GPHN: variants seen among roughly 807,000 people sequenced by gnomAD.
GPHN encodes gephyrin.
Under a neutral mutation model 95.5 loss-of-function variants are expected in GPHN, and 17 were observed. The ratio of observed to expected loss-of-function variants is 0.18; its 90% confidence interval spans 0.12 to 0.27. GPHN has a LOEUF of 0.27. GPHN is among the 10% of genes least tolerant of loss of function. The pLI is 1.00. For missense variants in GPHN, 660 were observed against 978.1 expected (o/e 0.67, Z 4.34); for synonymous variants, 320 against 322.5 (o/e 0.99, Z 0.08).
chr14:67,629,134 G>T, the GPHN span, among the ~76,000 whole-genome samples: 1 of 152,188 alleles, frequency 6.6e-6, no homozygotes, highest in African/African-American at 2.4e-5. Context: ...AGGAGTTTGA[G>T]ACCAGCCTGG....
chr14:67,081,083 G>A (rs2076677227), intron 11 of GPHN, among the ~76,000 whole-genome samples: 1 of 152,148 alleles, frequency 6.6e-6, no homozygotes, highest in South Asian at 2.1e-4. Context: ...ATGTGCAAGT[G>A]TCTTTCATGT....
chr14:67,637,229 G>A, the GPHN span, among the ~76,000 whole-genome samples: 1 of 151,636 alleles, frequency 6.6e-6, no homozygotes, highest in Non-Finnish European at 1.5e-5. Context: ...GACCAACATG[G>A]CGAAACCTCG....
chr14:67,123,445 C>T (rs940288360), intron 17 of GPHN, among the ~76,000 whole-genome samples: 1 of 152,158 alleles, frequency 6.6e-6, no homozygotes, highest in South Asian at 2.1e-4. Flanking sequence ...AAGGCCAAGG[C>T]GGGTGGATCA....
chr14:66,741,776 C>T (rs2072812550), intron 2 of GPHN, among the ~76,000 whole-genome samples: 1 of 152,208 alleles, frequency 6.6e-6, no homozygotes. Flanking sequence ...TAGCCTCCTT[C>T]TAATATCTCC....
intron 2 of GPHN, among the ~76,000 whole-genome samples, chr14:66,773,495 G>A (rs200669841): frequency 6.6e-5 from 10 of 151,316 alleles, no homozygotes; most frequent in South Asian, 2.1e-4. Flanking sequence ...CTGGGATTAC[G>A]GGTGCTCGCC....
chr14:67,575,447 A>T, the GPHN span: 15 of 1,607,428 alleles, frequency 9.3e-6, no homozygotes, highest in Non-Finnish European at 1.1e-5. Context: ...AAAATCTTCT[A>T]CTACTATCGG....
chr14:67,280,854 TCCC>T, the GPHN span, among the ~76,000 whole-genome samples: 2 of 100,932 alleles, frequency 2.0e-5, no homozygotes, highest in African/African-American at 1.2e-4. Context: ...CTTCCTTCCT[TCCC>T]TCCCTCCCTC....
chr14:66,860,353 T>C (rs898226502), intron 4 of GPHN, among the ~76,000 whole-genome samples: 5 of 151,970 alleles, frequency 3.3e-5, no homozygotes, highest in Admixed American at 1.3e-4. Context: ...AAAGTTTTGC[T>C]CTAGAACAGT....
At chr14:67,292,508 TAG>T in the GPHN span, 1 of 1,594,146 alleles carries the variant, frequency 6.3e-7, no homozygotes, top group Non-Finnish European at 8.6e-7. Flanking sequence ...CTTCTTCTAC[TAG>T]AAATAGAAGA....
chr14:66,689,224 A>G (rs2067607108), intron 2 of GPHN, among the ~76,000 whole-genome samples: 1 of 152,146 alleles, frequency 6.6e-6, no homozygotes, highest in Admixed American at 6.5e-5. Flanking sequence ...TCTGTATCTA[A>G]CTTGGTGAGA....
chr14:66,710,664 C>G (rs1366997363), intron 2 of GPHN, among the ~76,000 whole-genome samples: 2 of 152,032 alleles, frequency 1.3e-5, no homozygotes, highest in Non-Finnish European at 2.9e-5. Flanking sequence ...GGGAAATAAT[C>G]GAGATGAAAG....
the GPHN span, among the ~76,000 whole-genome samples, chr14:67,430,492 G>A: frequency 4.6e-5 from 7 of 152,212 alleles, no homozygotes; most frequent in East Asian, 1.9e-4. Flanking sequence ...GTGGGCTCAC[G>A]TGACTTTGCT....
chr14:66,844,866 A>G lies in GPHN; in HGVS notation c.294+20300A>G, dbSNP rs976889044. ...CATTTAGAAACTCTGTACCCATTAA[A>G]CAAAAACTCCCCATTCCTCCCTCCC... On this transcript the variant is annotated intron_variant, in intron 4 of 22. Coordinates refer to ENST00000478722, the MANE Select transcript of GPHN (RefSeq NM_020806.5). Among the ~76,000 whole-genome samples the G allele has an allele frequency of 4.6e-5, 7 of 152,104 alleles. No individual in the cohort carries two copies. The South Asian group carries it at 8.3e-4, about 18-fold the overall frequency.
At chr14:66,685,892 A>C (rs1472512089) in intron 2 of GPHN, among the ~76,000 whole-genome samples, 2 of 152,196 alleles carry the variant, frequency 1.3e-5, no homozygotes, top group African/African-American at 4.8e-5. Context: ...CTAACATGTA[A>C]GTCTTTAATC....
the GPHN span, among the ~76,000 whole-genome samples, chr14:67,634,883 C>G: frequency 2.0e-5 from 3 of 152,172 alleles, no homozygotes; most frequent in Non-Finnish European, 4.4e-5. Context: ...GGAGATGTTA[C>G]AAGGGCTGGT....
the GPHN span, among the ~76,000 whole-genome samples, chr14:67,509,575 T>G: frequency 2.6e-5 from 4 of 152,202 alleles, no homozygotes; most frequent in Non-Finnish European, 4.4e-5. Flanking sequence ...CACCTCGGCC[T>G]CCTAAAGTGC....
At chr14:67,268,538 G>A in the GPHN span, among the ~76,000 whole-genome samples, 1 of 152,210 alleles carries the variant, frequency 6.6e-6, no homozygotes, top group Non-Finnish European at 1.5e-5. Context: ...ATTTTCCGGG[G>A]GAAAGGGATG....
chr14:67,399,689 C>G, the GPHN span, among the ~76,000 whole-genome samples: 2 of 128,180 alleles, frequency 1.6e-5, no homozygotes, highest in African/African-American at 7.0e-5. Context: ...TTAGGTGGGT[C>G]TCAGGTGGCA....
chr14:67,302,536 C>CG, the GPHN span: 1 of 1,576,396 alleles, frequency 6.3e-7, no homozygotes, highest in Non-Finnish European at 8.6e-7. Context: ...CATTGAAATT[C>CG]GGGGGAAAGA....
Sources: gnomAD v4.1 joint callset for allele counts (sites outside exome capture counted in the v4.1 genomes callset) on GRCh38, gnomAD v4.1.1 for gene constraint, MANE v1.5 for transcripts, NCBI Gene and HGNC (gene_info 2026-07-23, HGNC 2026-07-21) for gene names.